SLC35D4: variants seen among roughly 807,000 people sequenced by gnomAD.
SLC35D4 encodes the protein UDP-N-acetylglucosamine transporter SLC35D4.
chr18:23,373,702 T>C, the SLC35D4 span: 43 of 1,613,644 alleles, frequency 2.7e-5, no homozygotes, highest in African/African-American at 3.9e-4. Context: ...ATGAGTTCAC[T>C]TGGACTTACC....
the SLC35D4 span, among the ~76,000 whole-genome samples, chr18:23,419,315 G>A: frequency 4.6e-5 from 7 of 151,294 alleles, no homozygotes; most frequent in Admixed American, 1.3e-4. Context: ...TTTTTGAGAC[G>A]GAGTTTCGCT....
chr18:23,246,161 G>A, the SLC35D4 span, among the ~76,000 whole-genome samples: 4 of 151,980 alleles, frequency 2.6e-5, no homozygotes, highest in Admixed American at 6.5e-5. Flanking sequence ...CTACTCAGGA[G>A]GCTGAGGCAA....
chr18:23,419,598 C>A, the SLC35D4 span, among the ~76,000 whole-genome samples: 2 of 152,090 alleles, frequency 1.3e-5, no homozygotes, highest in South Asian at 2.1e-4. Flanking sequence ...GCCTAAATTT[C>A]TTTTAAACAT....
the SLC35D4 span, among the ~76,000 whole-genome samples, chr18:23,430,983 G>T: frequency 1.3e-5 from 2 of 151,794 alleles, no homozygotes; most frequent in East Asian, 1.9e-4. Flanking sequence ...GTGAAACCCC[G>T]TCTCTATTAA....
At chr18:23,305,818 C>T in the SLC35D4 span, among the ~76,000 whole-genome samples, 6 of 152,220 alleles carry the variant, frequency 3.9e-5, no homozygotes, top group Non-Finnish European at 7.3e-5. Context: ...GACCTGCCCT[C>T]AGGCAGGGCA....
the SLC35D4 span, among the ~76,000 whole-genome samples, chr18:23,358,880 A>G: frequency 6.6e-6 from 1 of 152,128 alleles, no homozygotes; most frequent in African/African-American, 2.4e-5. Flanking sequence ...CTCTTTTGCT[A>G]AAGTAGTACT....
the SLC35D4 span, among the ~76,000 whole-genome samples, chr18:23,391,746 C>G: frequency 2.4e-4 from 37 of 152,290 alleles, no homozygotes; most frequent in South Asian, 6.2e-3. Flanking sequence ...TCTCAGCCTC[C>G]TAAAGTCTGG....
At chr18:23,332,063 A>ATTT in the SLC35D4 span, among the ~76,000 whole-genome samples, 98 of 147,724 alleles carry the variant, frequency 6.6e-4, 1 homozygote, top group Admixed American at 1.1e-3. Flanking sequence ...TTTAAAAAGA[A>ATTT]TTTTTTTTTT....
At chr18:23,400,071 C>G in the SLC35D4 span, among the ~76,000 whole-genome samples, 2 of 152,168 alleles carry the variant, frequency 1.3e-5, no homozygotes, top group South Asian at 4.1e-4. Flanking sequence ...CAAAAAGAAC[C>G]AGTTTCAAGG....
the SLC35D4 span, among the ~76,000 whole-genome samples, chr18:23,339,721 A>G: frequency 3.3e-5 from 5 of 152,186 alleles, no homozygotes. Context: ...CAGCCCCTGC[A>G]GATTCCGTGT....
At chr18:23,253,193 G>A in the SLC35D4 span, 2 of 633,136 alleles carry the variant, frequency 3.2e-6, no homozygotes, top group Non-Finnish European at 5.8e-6. Flanking sequence ...ACATTCAGCA[G>A]AAAGGACAGC....
the SLC35D4 span, among the ~76,000 whole-genome samples, chr18:23,379,996 C>A: frequency 6.6e-6 from 1 of 152,120 alleles, no homozygotes; most frequent in Non-Finnish European, 1.5e-5. Flanking sequence ...ACTCGGGAGG[C>A]TGAGGCAGGA....
At chr18:23,311,796 T>A in the SLC35D4 span, among the ~76,000 whole-genome samples, 1 of 152,244 alleles carries the variant, frequency 6.6e-6, no homozygotes, top group Non-Finnish European at 1.5e-5. Flanking sequence ...GCCTGTTTGA[T>A]TACCTTCCTT....
the SLC35D4 span, among the ~76,000 whole-genome samples, chr18:23,416,154 T>G: frequency 1.3e-5 from 2 of 152,126 alleles, no homozygotes; most frequent in African/African-American, 4.8e-5. Flanking sequence ...GAAGTTGAAG[T>G]GAGCCGAGAT....
chr18:23,336,087 A>T, the SLC35D4 span, among the ~76,000 whole-genome samples: 3 of 152,208 alleles, frequency 2.0e-5, no homozygotes, highest in East Asian at 5.8e-4. Flanking sequence ...AAAAACAAGA[A>T]CCTTACTCAA....
the SLC35D4 span, among the ~76,000 whole-genome samples, chr18:23,432,568 C>G: frequency 6.6e-6 from 1 of 151,670 alleles, no homozygotes; most frequent in East Asian, 1.9e-4. Context: ...GTAACCCCAG[C>G]TACTCAGGAG....
the SLC35D4 span, among the ~76,000 whole-genome samples, chr18:23,416,215 C>T: frequency 2.0e-5 from 3 of 152,076 alleles, no homozygotes; most frequent in Non-Finnish European, 4.4e-5. Flanking sequence ...GGTTCTGAGG[C>T]TCATTTGACA....
At chr18:23,437,863 G>A in the SLC35D4 span, 8 of 1,610,486 alleles carry the variant, frequency 5.0e-6, no homozygotes, top group Non-Finnish European at 6.8e-6. Context: ...CTGTCAACTC[G>A]TCCCCTTCTC....
the SLC35D4 span, among the ~76,000 whole-genome samples, chr18:23,248,522 TTTTTTTTTTTTTTTTTA>T: frequency 7.5e-6 from 1 of 134,012 alleles, no homozygotes; most frequent in Non-Finnish European, 1.6e-5. Flanking sequence ...CTTTTTTTTT[TTTTTTTTTTTTTTTTTA>T]AAAAAAGGCT....
Sources: allele counts gnomAD v4.1 joint callset (sites outside exome capture counted in the v4.1 genomes callset), GRCh38; gene constraint gnomAD v4.1.1; transcripts MANE v1.5; gene names NCBI Gene and HGNC (gene_info 2026-07-23, HGNC 2026-07-21).